Variants in CNTNAP2 observed in about 807,000 individuals in gnomAD.
CNTNAP2 encodes contactin associated protein 2.
Under a neutral mutation model 155.2 loss-of-function variants are expected in CNTNAP2, and 98 were observed. The observed-to-expected ratio is 0.63, with a 90% CI of 0.54 to 0.75. The LOEUF is 0.75. CNTNAP2 is among the 30% of genes least tolerant of loss of function. The pLI, the probability that CNTNAP2 is intolerant of heterozygous loss-of-function variation, is 0.00. For missense variants in CNTNAP2, 1,727 were observed against 1,688.1 expected, an observed-to-expected ratio of 1.02 and a Z score of -0.40; for synonymous variants, 651 against 631.2, an observed-to-expected ratio of 1.03 and a Z score of -0.47.
At chr7:146,143,143 C>T (rs1362332827) in intron 1 of CNTNAP2, among the ~76,000 whole-genome samples, 1 of 152,120 alleles carries the variant, frequency 6.6e-6, no homozygotes, top group African/African-American at 2.4e-5. Context: ...TATGTTGTGG[C>T]CCTCTCTGCA....
At chr7:148,019,092 G>C (rs6964965) in intron 15 of CNTNAP2, among the ~76,000 whole-genome samples, 57,971 of 152,060 alleles carry the variant, frequency 0.38, 11,806 homozygotes, top group African/African-American at 0.54. Context: ...GTTCAGCCCT[G>C]AATACCTGCT....
At chr7:146,593,464 C>T (rs975454440) in intron 1 of CNTNAP2, among the ~76,000 whole-genome samples, 1 of 152,036 alleles carries the variant, frequency 6.6e-6, no homozygotes, top group African/African-American at 2.4e-5. Context: ...ATCTTAGCCC[C>T]GTTCTTAAAT....
intron 3 of CNTNAP2, among the ~76,000 whole-genome samples, chr7:146,997,884 TG>T (rs1164667855): frequency 6.6e-6 from 1 of 152,094 alleles, no homozygotes; most frequent in Non-Finnish European, 1.5e-5. Flanking sequence ...CCTATGGCAT[TG>T]GTTGTAATGT....
intron 13 of CNTNAP2, among the ~76,000 whole-genome samples, chr7:147,741,067 G>A (rs1177913692): frequency 6.6e-6 from 1 of 152,202 alleles, no homozygotes; most frequent in African/African-American, 2.4e-5. Flanking sequence ...GCTCTGGAAG[G>A]CAAAGAGAAG....
intron 9 of CNTNAP2, among the ~76,000 whole-genome samples, chr7:147,381,718 A>C (rs896716702): frequency 6.6e-6 from 1 of 152,036 alleles, no homozygotes; most frequent in Non-Finnish European, 1.5e-5. Context: ...TGCTTCTCTA[A>C]TTTCTTTTCA....
rs533586042 is a variant in CNTNAP2 at position 147,807,275 on chromosome 7, G to T, written c.2099-96290G>T. 2.9e-5 allele frequency among the ~76,000 whole-genome samples: 4 copies of T among 136,126 alleles called. 1 individual carries two copies. The highest frequency in any genetic ancestry group is 8.4e-5 in the African/African-American group (3 of 35,906). 89.3% of individuals were successfully genotyped at this position (136,126 alleles called of 152,430 possible). Reference sequence around the variant, plus strand: ...GAGATTGAGGCTTCAGTGAGCCATGGTTACTTCACTGTACTCGAGCCTGGA... The same window carrying T: ...GAGATTGAGGCTTCAGTGAGCCATGTTTACTTCACTGTACTCGAGCCTGGA... On this transcript the variant is annotated intron_variant, in intron 13 of 23. Transcript: ENST00000361727.
At chr7:147,597,805 C>T (rs558335416) in intron 12 of CNTNAP2, among the ~76,000 whole-genome samples, 2 of 152,158 alleles carry the variant, frequency 1.3e-5, no homozygotes, top group African/African-American at 2.4e-5. Context: ...CCTGATAGTT[C>T]GGAAACGTGT....
chr7:146,804,163 A>G (rs1802927686), intron 2 of CNTNAP2, among the ~76,000 whole-genome samples: 1 of 152,150 alleles, frequency 6.6e-6, no homozygotes, highest in Admixed American at 6.5e-5. Context: ...GCAAGAGGGA[A>G]CAGAAGATAA....
intron 1 of CNTNAP2, among the ~76,000 whole-genome samples, chr7:146,275,125 G>A (rs1800144021): frequency 6.6e-6 from 1 of 152,104 alleles, no homozygotes; most frequent in South Asian, 2.1e-4. Flanking sequence ...TCAAACATCG[G>A]ATACAAGTGT....
At chr7:148,091,699 A>G (rs1803844344) in intron 15 of CNTNAP2, among the ~76,000 whole-genome samples, 1 of 152,210 alleles carries the variant, frequency 6.6e-6, no homozygotes, top group African/African-American at 2.4e-5. Flanking sequence ...TGACTTCAAT[A>G]CATACCATTT....
chr7:147,441,741 C>T (rs73740952), intron 10 of CNTNAP2, among the ~76,000 whole-genome samples: 2,330 of 151,756 alleles, frequency 0.015, 59 homozygotes, highest in African/African-American at 0.054. Context: ...AAGACCTGGG[C>T]GAATTCTCTG....
At chr7:147,637,061 A>G (rs7790896) in intron 12 of CNTNAP2, among the ~76,000 whole-genome samples, 55,499 of 152,002 alleles carry the variant, frequency 0.37, 11,427 homozygotes, top group African/African-American at 0.54. Flanking sequence ...GAGGATTGAC[A>G]TGTGAGGGCA....
At chr7:146,827,594 A>C (rs1211124804) in intron 2 of CNTNAP2, among the ~76,000 whole-genome samples, 4 of 151,976 alleles carry the variant, frequency 2.6e-5, no homozygotes, top group African/African-American at 9.7e-5. Context: ...TAGGGAAGCC[A>C]AGAAATTATG....
intron 3 of CNTNAP2, among the ~76,000 whole-genome samples, chr7:146,869,298 A>G (rs1176626638): frequency 6.6e-6 from 1 of 151,900 alleles, no homozygotes; most frequent in Non-Finnish European, 1.5e-5. Context: ...TTTGTCTTTA[A>G]TTTTGTTTAT....
intron 1 of CNTNAP2, among the ~76,000 whole-genome samples, chr7:146,334,866 G>A (rs1325480098): frequency 1.3e-5 from 2 of 152,170 alleles, no homozygotes; most frequent in Admixed American, 1.3e-4. Flanking sequence ...CCCTGCACAT[G>A]TAGGTTAATA....
chr7:146,155,569 G>A (rs900115585), intron 1 of CNTNAP2, among the ~76,000 whole-genome samples: 1 of 151,824 alleles, frequency 6.6e-6, no homozygotes, highest in African/African-American at 2.4e-5. Context: ...TATACACTTG[G>A]AATATGCAAT....
At chr7:148,365,097 C>T (rs901305739) in intron 21 of CNTNAP2, among the ~76,000 whole-genome samples, 3 of 152,196 alleles carry the variant, frequency 2.0e-5, no homozygotes, top group East Asian at 1.9e-4. Flanking sequence ...GACCAAGAAC[C>T]CACCAGTTCC....
chr7:146,521,536 A>G (rs2129137497), intron 1 of CNTNAP2, among the ~76,000 whole-genome samples: 1 of 152,134 alleles, frequency 6.6e-6, no homozygotes, highest in African/African-American at 2.4e-5. Context: ...TAGTGAGAAA[A>G]GTTACAAAAA....
chr7:146,986,656 G>A (rs557393334), intron 3 of CNTNAP2, among the ~76,000 whole-genome samples: 14 of 152,024 alleles, frequency 9.2e-5, no homozygotes, highest in African/African-American at 3.1e-4. Flanking sequence ...CTCCATCCAC[G>A]CCAACATCTA....
Sources: gnomAD v4.1 joint callset for allele counts (sites outside exome capture counted in the v4.1 genomes callset) on GRCh38, gnomAD v4.1.1 for gene constraint, MANE v1.5 for transcripts, NCBI Gene and HGNC (gene_info 2026-07-23, HGNC 2026-07-21) for gene names.